The following ZNF652 variants were observed in gnomAD, a reference collection of about 807,000 sequenced individuals.
The protein encoded by ZNF652 is zinc finger protein 652.
Under a neutral mutation model 45.2 loss-of-function variants are expected in ZNF652, and 16 were observed. The ratio of observed to expected loss-of-function variants is 0.35; its 90% confidence interval spans 0.24 to 0.54. The LOEUF is 0.54. Among genes scored for constraint, ZNF652 ranks in the 20% least tolerant of loss-of-function variants. The probability of loss-of-function intolerance (pLI) is 0.91; values close to 1 mark genes in which losing one functional copy is unlikely to be tolerated. For missense variants in ZNF652, 614 were observed against 765.6 expected (o/e 0.80, Z 2.34); for synonymous variants, 250 against 260.6 (o/e 0.96, Z 0.39).
intron 1 of ZNF652, among the ~76,000 whole-genome samples, chr17:49,323,062 T>G (rs2069915760): frequency 6.6e-6 from 1 of 152,144 alleles, no homozygotes; most frequent in Admixed American, 6.6e-5. Context: ...ACAATGAAAT[T>G]TGCTGCATTA....
chr17:49,349,761 G>C (rs986433327), intron 1 of ZNF652, among the ~76,000 whole-genome samples: 2 of 152,176 alleles, frequency 1.3e-5, no homozygotes. Context: ...ACTCACAGAA[G>C]TGATAAATCA....
intron 1 of ZNF652, among the ~76,000 whole-genome samples, chr17:49,353,617 C>A (rs2070305301): frequency 6.6e-6 from 1 of 151,854 alleles, no homozygotes; most frequent in African/African-American, 2.4e-5. Flanking sequence ...TTTCAAAGTG[C>A]CCATACCAAC....
chr17:49,302,789 C>T (rs980674822), intron 5 of ZNF652, among the ~76,000 whole-genome samples: 4 of 151,426 alleles, frequency 2.6e-5, no homozygotes, highest in African/African-American at 9.7e-5. Context: ...TGGTGAAACT[C>T]CATCTCTACT....
chr17:49,351,014 T>TATACACACAC (rs2070273379), intron 1 of ZNF652, among the ~76,000 whole-genome samples: 1 of 29,732 alleles, frequency 3.4e-5, no homozygotes. Flanking sequence ...TATATATATA[T>TATACACACAC]ACACACACAC....
chr17:49,348,479 A>AAAAAGAAAAGAAAAGAAAAG (rs55939949), intron 1 of ZNF652, among the ~76,000 whole-genome samples: 1,891 of 111,876 alleles, frequency 0.017, 51 homozygotes, highest in East Asian at 0.041. Context: ...CCTTGCCTCA[A>AAAAAGAAAAGAAAAGAAAAG]AAAAGAAAAG....
At chr17:49,306,194 T>C (rs1378744461) in intron 5 of ZNF652, among the ~76,000 whole-genome samples, 2 of 152,114 alleles carry the variant, frequency 1.3e-5, no homozygotes, top group Non-Finnish European at 2.9e-5. Context: ...AAAAGGCAGA[T>C]AGACAAACCA....
intron 1 of ZNF652, among the ~76,000 whole-genome samples, chr17:49,342,881 T>C (rs950015730): frequency 4.0e-5 from 6 of 151,476 alleles, no homozygotes; most frequent in African/African-American, 1.5e-4. Flanking sequence ...TTTTTCCACA[T>C]AGAATTTTTT....
chr17:49,314,602 G>C (rs1210020239), intron 2 of ZNF652, among the ~76,000 whole-genome samples: 1 of 152,160 alleles, frequency 6.6e-6, no homozygotes, highest in Non-Finnish European at 1.5e-5. Flanking sequence ...CTAGTTCCTT[G>C]TATCATGAAT....
In ZNF652 at chr17:49,293,380, CCT is replaced by C. The variant is rs1194475941; in HGVS notation, c.*5031_*5032del. On this transcript the variant is annotated 3_prime_UTR_variant, in exon 6 of 6. Coordinates refer to ENST00000430262, the MANE Select transcript of ZNF652 (RefSeq NM_001145365.3). ...TTCCTTTGAATCTTGCAAAACCTAT[CCT>C]CTGAGACAAAAAGATCTGATCATAA... Among the ~76,000 whole-genome samples the C allele has an allele frequency of 6.6e-6, 1 of 151,996 alleles. No individual in the cohort carries two copies. Among genetic ancestry groups the C allele is most frequent in the Non-Finnish European group, 1.5e-5 (1 of 67,984 alleles).
At chr17:49,336,422 C>G (rs1567694325) in intron 1 of ZNF652, among the ~76,000 whole-genome samples, 1 of 150,398 alleles carries the variant, frequency 6.6e-6, no homozygotes, top group Non-Finnish European at 1.5e-5. Flanking sequence ...CGCTACCTCC[C>G]AGGTTCAAGT....
intron 5 of ZNF652, among the ~76,000 whole-genome samples, chr17:49,306,315 A>C (rs1474538845): frequency 6.6e-6 from 1 of 152,260 alleles, no homozygotes; most frequent in Non-Finnish European, 1.5e-5. Context: ...TGATAACTAC[A>C]AGCAAATAAA....
Position 49,327,726 on chromosome 17 carries a change from AATAAATATATATATATAT to A in ZNF652, c.-258-9761_-258-9744del, listed in dbSNP as rs1567690274. On this transcript the variant is annotated intron_variant, in intron 1 of 5. Coordinates refer to ENST00000430262, the MANE Select transcript of ZNF652 (RefSeq NM_001145365.3). ...GAGACCTCGTGTCTACTTTTAAATAAATAAATATATATATATATATATATATATATATATATATATATA... is the reference window on the plus strand; with the variant it reads ...GAGACCTCGTGTCTACTTTTAAATAAATATATATATATATATATATATATA... Among the ~76,000 whole-genome samples, 109 of 76,018 alleles carry A rather than the reference AATAAATATATATATATAT, an allele frequency of 1.4e-3. 2 individuals are homozygous for A. Among genetic ancestry groups the A allele is most frequent in the Middle Eastern group, 6.9e-3 (1 of 144 alleles). 49.9% of individuals were successfully genotyped at this position (76,018 alleles called of 152,430 possible).
At chr17:49,305,400 T>A (rs1233992526) in intron 5 of ZNF652, among the ~76,000 whole-genome samples, 1 of 152,024 alleles carries the variant, frequency 6.6e-6, no homozygotes, top group Non-Finnish European at 1.5e-5. Flanking sequence ...TGAGCTGAGA[T>A]CACACCACTG....
intron 5 of ZNF652, among the ~76,000 whole-genome samples, chr17:49,307,550 G>GC (rs2069648636): frequency 6.8e-6 from 1 of 146,196 alleles, no homozygotes; most frequent in Non-Finnish European, 1.5e-5. Flanking sequence ...GACCAGCCTG[G>GC]CCAACACAGT....
intron 1 of ZNF652, among the ~76,000 whole-genome samples, chr17:49,324,415 G>A (rs1326135609): frequency 6.6e-6 from 1 of 151,132 alleles, no homozygotes; most frequent in Non-Finnish European, 1.5e-5. Flanking sequence ...TTTTTGAGAC[G>A]GAGTCTCACC....
chr17:49,328,994 T>C (rs2069995548), intron 1 of ZNF652, among the ~76,000 whole-genome samples: 1 of 152,234 alleles, frequency 6.6e-6, no homozygotes, highest in Non-Finnish European at 1.5e-5. Flanking sequence ...TACTTAGGTT[T>C]TTGAACAACA....
intron 1 of ZNF652, among the ~76,000 whole-genome samples, chr17:49,327,763 ATATATATATATATATATTTTT>A (rs1287993494): frequency 0.045 from 274 of 6,102 alleles, 8 homozygotes; most frequent in African/African-American, 0.18. Flanking sequence ...ATATATATAT[ATATATATATATATATATTTTT>A]TTTTTTTTTT....
chr17:49,327,777 ATATTTT>A (rs1567690594), intron 1 of ZNF652, among the ~76,000 whole-genome samples: 13 of 2,174 alleles, frequency 6.0e-3, no homozygotes, highest in African/African-American at 0.014. Flanking sequence ...ATATATATAT[ATATTTT>A]TTTTTTTTTT....
intron 1 of ZNF652, among the ~76,000 whole-genome samples, chr17:49,346,255 T>C (rs568747241): frequency 6.6e-6 from 1 of 152,190 alleles, no homozygotes; most frequent in Admixed American, 6.5e-5. Context: ...ACTTTATTTA[T>C]AAAAAAACAA....
Sources: gnomAD v4.1 joint callset for allele counts (sites outside exome capture counted in the v4.1 genomes callset) on GRCh38, gnomAD v4.1.1 for gene constraint, MANE v1.5 for transcripts, NCBI Gene and HGNC (gene_info 2026-07-23, HGNC 2026-07-21) for gene names.